Variants in CSMD1 observed in about 807,000 individuals in gnomAD.
The protein encoded by CSMD1 is CUB and sushi domain-containing protein 1.
CSMD1 carries 213 observed loss-of-function variants against 417.5 expected under a neutral mutation model. The observed-to-expected ratio is 0.51, with a 90% CI of 0.46 to 0.57. The LOEUF is 0.57. CSMD1 is among the 20% of genes least tolerant of loss of function. CSMD1 has a pLI of 0.00. For synonymous variants in CSMD1, 2,862 were observed against 1,736.8 expected (o/e 1.65, Z -16.11); for missense variants, 6,923 against 4,529.7 (o/e 1.53, Z -15.17).
intron 1 of CSMD1, among the ~76,000 whole-genome samples, chr8:4,756,122 T>G (rs929475237): frequency 6.6e-6 from 1 of 152,170 alleles, no homozygotes; most frequent in Admixed American, 6.5e-5. Flanking sequence ...CAGGAGTATA[T>G]AGTAAGCATA....
At chr8:4,487,225 G>A (rs923244712) in intron 2 of CSMD1, among the ~76,000 whole-genome samples, 5 of 151,944 alleles carry the variant, frequency 3.3e-5, no homozygotes, top group Admixed American at 6.6e-5. Context: ...ACAATGTGCC[G>A]GTTTGTTACA....
intron 5 of CSMD1, among the ~76,000 whole-genome samples, chr8:3,812,237 G>A (rs990135301): frequency 1.3e-5 from 2 of 152,102 alleles, no homozygotes; most frequent in Non-Finnish European, 2.9e-5. Context: ...ATACAGGAAA[G>A]GGAACTTCAC....
intron 5 of CSMD1, among the ~76,000 whole-genome samples, chr8:3,906,779 T>C (rs1378548307): frequency 1.3e-5 from 2 of 152,226 alleles, no homozygotes; most frequent in African/African-American, 4.8e-5. Flanking sequence ...ATGACTTTTA[T>C]ATTGAACATA....
intron 10 of CSMD1, among the ~76,000 whole-genome samples, chr8:3,518,051 T>A (rs1057004954): frequency 1.1e-4 from 16 of 152,122 alleles, no homozygotes; most frequent in Non-Finnish European, 2.2e-4. Context: ...AGATTTATCA[T>A]CAGATTCAAG....
chr8:3,013,424 A>G (rs1177004413), intron 52 of CSMD1, among the ~76,000 whole-genome samples: 1 of 152,154 alleles, frequency 6.6e-6, no homozygotes, highest in East Asian at 1.9e-4. Context: ...GTTATGAATG[A>G]CTACTTTACT....
intron 1 of CSMD1, among the ~76,000 whole-genome samples, chr8:4,821,396 C>G (rs1443629779): frequency 6.6e-6 from 1 of 152,086 alleles, no homozygotes; most frequent in Non-Finnish European, 1.5e-5. Context: ...TAAAGCAAAC[C>G]TAGATTTTTC....
At chr8:4,174,628 C>G (rs1015036188) in intron 3 of CSMD1, among the ~76,000 whole-genome samples, 2 of 146,058 alleles carry the variant, frequency 1.4e-5, no homozygotes, top group Admixed American at 6.9e-5. Flanking sequence ...AAAACAAACT[C>G]TAAGACCTGG....
chr8:4,315,347 A>G (rs192555712), intron 3 of CSMD1, among the ~76,000 whole-genome samples: 2 of 152,268 alleles, frequency 1.3e-5, no homozygotes, highest in East Asian at 1.9e-4. Context: ...CTGCACTGTG[A>G]GCCCCAGGTG....
At chr8:3,972,856 T>C (rs925349385) in intron 5 of CSMD1, among the ~76,000 whole-genome samples, 25 of 151,718 alleles carry the variant, frequency 1.6e-4, no homozygotes, top group African/African-American at 5.3e-4. Flanking sequence ...CAGAATCTTA[T>C]AAAAGAGCAA....
intron 7 of CSMD1, among the ~76,000 whole-genome samples, chr8:3,657,130 C>G (rs1310488084): frequency 6.6e-6 from 1 of 152,136 alleles, no homozygotes; most frequent in African/African-American, 2.4e-5. Flanking sequence ...ATGGCATCAT[C>G]TGTCCCTAGC....
At position 2,950,032 on chromosome 8, in the gene CSMD1, T is replaced by C. The variant is rs188488097; in HGVS notation, c.10314+199A>G. 9.9e-4 allele frequency among the ~76,000 whole-genome samples: 151 copies of C among 152,280 alleles called. 1 individual carries two copies. Among genetic ancestry groups the C allele is most frequent in the African/African-American group, 3.5e-3 (147 of 41,570 alleles). On this transcript the variant is annotated intron_variant, in intron 67 of 69. Coordinates refer to ENST00000635120, the MANE Select transcript of CSMD1 (RefSeq NM_033225.6). ...CTTTAAGGATGGCCAGTTCATTGCT[T>C]ACTTCTTAGACCTGGTTTCTTCCCT...
chr8:4,016,138 T>C (rs117303817), intron 4 of CSMD1, among the ~76,000 whole-genome samples: 382 of 152,252 alleles, frequency 2.5e-3, no homozygotes, highest in Non-Finnish European at 4.1e-3. Flanking sequence ...TATAAAACAT[T>C]TTAGATAGGA....
intron 10 of CSMD1, among the ~76,000 whole-genome samples, chr8:3,505,992 C>T (rs149381862): frequency 2.6e-3 from 403 of 152,194 alleles, no homozygotes; most frequent in Non-Finnish European, 4.7e-3. Flanking sequence ...TAAAAATACA[C>T]GTATGTATAT....
chr8:4,688,306 G>A (rs1348099295), intron 1 of CSMD1, among the ~76,000 whole-genome samples: 3 of 152,090 alleles, frequency 2.0e-5, no homozygotes, highest in Non-Finnish European at 4.4e-5. Flanking sequence ...AACTGAAAAA[G>A]CATGGGCTTG....
At chr8:4,496,811 T>C (rs959726553) in intron 2 of CSMD1, among the ~76,000 whole-genome samples, 2 of 152,174 alleles carry the variant, frequency 1.3e-5, no homozygotes, top group Non-Finnish European at 2.9e-5. Flanking sequence ...ACATGGACTT[T>C]TGATGGGTAA....
chr8:4,417,069 C>T (rs910799342), intron 3 of CSMD1, among the ~76,000 whole-genome samples: 5 of 151,642 alleles, frequency 3.3e-5, no homozygotes, highest in Admixed American at 6.6e-5. Context: ...TAAGTTACTA[C>T]CTTCAATTTT....
At chr8:3,171,959 T>A (rs1437516127) in intron 37 of CSMD1, among the ~76,000 whole-genome samples, 1 of 152,220 alleles carries the variant, frequency 6.6e-6, no homozygotes, top group Non-Finnish European at 1.5e-5. Context: ...TTCTGTAGCA[T>A]GCTTCTGTTT....
At chr8:4,460,073 G>A (rs559361829) in intron 2 of CSMD1, among the ~76,000 whole-genome samples, 4 of 152,114 alleles carry the variant, frequency 2.6e-5, no homozygotes, top group East Asian at 3.9e-4. Context: ...TGTTTTCAAG[G>A]GCGTATGAAA....
At chr8:4,496,578 T>G (rs1340292452) in intron 2 of CSMD1, among the ~76,000 whole-genome samples, 1 of 152,204 alleles carries the variant, frequency 6.6e-6, no homozygotes. Context: ...CTGCCTTCTC[T>G]CTGCTCCTTG....
Sources: gnomAD v4.1 joint callset for allele counts (sites outside exome capture counted in the v4.1 genomes callset) on GRCh38, gnomAD v4.1.1 for gene constraint, MANE v1.5 for transcripts, NCBI Gene and HGNC (gene_info 2026-07-23, HGNC 2026-07-21) for gene names.